GALNT13: variants seen among roughly 807,000 people sequenced by gnomAD.
GALNT13 encodes polypeptide N-acetylgalactosaminyltransferase 13, also known as UDP-GalNAc:polypeptide N-acetylgalactosaminyltransferase 13.
Under a neutral mutation model 64.2 loss-of-function variants are expected in GALNT13, and 28 were observed. The observed-to-expected ratio is 0.44, with a 90% confidence interval of 0.32 to 0.60. The LOEUF is 0.60. GALNT13 is among the 20% of genes least tolerant of loss of function. The pLI is 0.05. For synonymous variants in GALNT13, 214 were observed against 224.6 expected (o/e 0.95, Z 0.42); for missense variants, 577 against 669.8 (o/e 0.86, Z 1.53).
chr2:153,318,009 G>A, the GALNT13 span, among the ~76,000 whole-genome samples: 2 of 151,876 alleles, frequency 1.3e-5, no homozygotes, highest in Admixed American at 1.3e-4. Context: ...GTGAATTATG[G>A]CTGTGCTATG....
chr2:154,044,063 C>G (rs1699155867), intron 3 of GALNT13, among the ~76,000 whole-genome samples: 3 of 150,598 alleles, frequency 2.0e-5, no homozygotes, highest in Non-Finnish European at 4.4e-5. Context: ...CAGAGTTAGA[C>G]TCTGTCTCAA....
At chr2:154,128,544 A>T (rs968105926) in intron 3 of GALNT13, among the ~76,000 whole-genome samples, 1 of 152,160 alleles carries the variant, frequency 6.6e-6, no homozygotes, top group African/African-American at 2.4e-5. Context: ...AGCAAGATTT[A>T]TAATGATTGT....
intron 3 of GALNT13, among the ~76,000 whole-genome samples, chr2:154,045,954 GT>G (rs202224625): frequency 4.0e-5 from 6 of 150,486 alleles, no homozygotes; most frequent in African/African-American, 1.2e-4. Flanking sequence ...GTTCAATACA[GT>G]TTTTTTTTGC....
At chr2:153,484,806 A>T in the GALNT13 span, among the ~76,000 whole-genome samples, 4 of 152,214 alleles carry the variant, frequency 2.6e-5, no homozygotes, top group Non-Finnish European at 5.9e-5. Flanking sequence ...AATGTTTTCC[A>T]AGCTTGCCTT....
the GALNT13 span, among the ~76,000 whole-genome samples, chr2:153,377,777 G>A: frequency 1.3e-5 from 2 of 152,064 alleles, no homozygotes; most frequent in East Asian, 3.9e-4. Flanking sequence ...CACAGCCCTA[G>A]AAAACGAATA....
At chr2:153,976,254 T>C (rs1558884728) in intron 3 of GALNT13, among the ~76,000 whole-genome samples, 1 of 150,880 alleles carries the variant, frequency 6.6e-6, no homozygotes, top group African/African-American at 2.5e-5. Context: ...GGGTACTCAA[T>C]AATCAATCAA....
chr2:153,672,858 A>G, the GALNT13 span, among the ~76,000 whole-genome samples: 1 of 152,122 alleles, frequency 6.6e-6, no homozygotes, highest in South Asian at 2.1e-4. Context: ...AGACACAATA[A>G]AAAATGATAA....
chr2:153,627,218 A>G, the GALNT13 span, among the ~76,000 whole-genome samples: 3 of 152,080 alleles, frequency 2.0e-5, no homozygotes, highest in African/African-American at 7.2e-5. Flanking sequence ...GTCCTTAGTG[A>G]TGTCATTAAG....
chr2:154,344,161 T>C (rs563908095), intron 9 of GALNT13, among the ~76,000 whole-genome samples: 1 of 152,058 alleles, frequency 6.6e-6, no homozygotes, highest in African/African-American at 2.4e-5. Context: ...TCTAGAATTT[T>C]CTGCTTTTAA....
chr2:153,277,610 T>A, the GALNT13 span, among the ~76,000 whole-genome samples: 25 of 152,236 alleles, frequency 1.6e-4, 1 homozygote, highest in East Asian at 4.8e-3. Flanking sequence ...TGTTTTAAGG[T>A]CTTTGAGGAA....
chr2:153,820,815 G>A, the GALNT13 span, among the ~76,000 whole-genome samples: 2 of 151,916 alleles, frequency 1.3e-5, no homozygotes, highest in African/African-American at 4.8e-5. Flanking sequence ...TCAAGTCTAC[G>A]AAACAACCAG....
At chr2:153,314,851 C>A in the GALNT13 span, among the ~76,000 whole-genome samples, 1 of 151,030 alleles carries the variant, frequency 6.6e-6, no homozygotes, top group Admixed American at 6.6e-5. Flanking sequence ...TAAACTTCCA[C>A]CTTAAGAAAC....
chr2:153,735,200 C>T, the GALNT13 span, among the ~76,000 whole-genome samples: 4,270 of 151,784 alleles, frequency 0.028, 195 homozygotes, highest in Admixed American at 0.14. Flanking sequence ...TTCTGAGAGC[C>T]GGTCTTGTTC....
chr2:153,663,451 G>GA, the GALNT13 span, among the ~76,000 whole-genome samples: 2 of 150,760 alleles, frequency 1.3e-5, no homozygotes, highest in African/African-American at 2.4e-5. Context: ...GCCCATGTCA[G>GA]AAAAAAAAAG....
At chr2:154,079,200 A>G (rs1701144102) in intron 3 of GALNT13, among the ~76,000 whole-genome samples, 1 of 151,658 alleles carries the variant, frequency 6.6e-6, no homozygotes, top group Non-Finnish European at 1.5e-5. Context: ...AAAGAAATAC[A>G]TGGTAACAAG....
intron 2 of GALNT13, among the ~76,000 whole-genome samples, chr2:153,906,664 G>C (rs1292856655): frequency 2.0e-5 from 3 of 151,740 alleles, no homozygotes; most frequent in African/African-American, 7.3e-5. Context: ...ATTTGGGTTG[G>C]TTCCAAGTCT....
At chr2:153,188,891 G>A in the GALNT13 span, among the ~76,000 whole-genome samples, 1 of 152,048 alleles carries the variant, frequency 6.6e-6, no homozygotes, top group African/African-American at 2.4e-5. Context: ...TTTGTTACAT[G>A]CATAGAATGT....
At chr2:154,176,115 A>G (rs999759358) in intron 4 of GALNT13, among the ~76,000 whole-genome samples, 13 of 152,104 alleles carry the variant, frequency 8.5e-5, no homozygotes, top group Non-Finnish European at 1.8e-4. Flanking sequence ...ATACACACAG[A>G]CACAAAAGAG....
chr2:153,498,969 T>C, the GALNT13 span, among the ~76,000 whole-genome samples: 1 of 152,162 alleles, frequency 6.6e-6, no homozygotes, highest in South Asian at 2.1e-4. Context: ...TGCCTCAGCC[T>C]CCCGAGCAGC....
Sources: gnomAD v4.1 joint callset for allele counts (sites outside exome capture counted in the v4.1 genomes callset) on GRCh38, gnomAD v4.1.1 for gene constraint, MANE v1.5 for transcripts, NCBI Gene and HGNC (gene_info 2026-07-23, HGNC 2026-07-21) for gene names.